The following MIR2052HG variants were observed in gnomAD, a reference collection of about 807,000 sequenced individuals.
MIR2052HG encodes the protein MIR2052 host gene.
At chr8:74,622,161 G>C (rs1412117206) in intron 2 of MIR2052HG, among the ~76,000 whole-genome samples, 1 of 152,182 alleles carries the variant, frequency 6.6e-6, no homozygotes, top group Admixed American at 6.5e-5. Flanking sequence ...TATATAATAA[G>C]GGACTGATAT....
At chr8:74,681,009 A>G in intron 2 of MIR2052HG, among the ~76,000 whole-genome samples, 1 of 144,370 alleles carries the variant, frequency 6.9e-6, no homozygotes, top group African/African-American at 2.6e-5. Flanking sequence ...TGGGAATTGA[A>G]CAATGAGAAC....
intron 2 of MIR2052HG, among the ~76,000 whole-genome samples, chr8:74,639,937 A>C (rs1808620833): frequency 6.6e-6 from 1 of 152,050 alleles, no homozygotes; most frequent in South Asian, 2.1e-4. Context: ...TTCCAGTAAC[A>C]CTTTGAATGA....
Position 74,705,610 on chromosome 8 carries a change from T to A in MIR2052HG, n.371+1928T>A, listed in dbSNP as rs1809402368. The A allele has an allele frequency of 4.1e-5, 7 of 170,016 alleles. No individual in the cohort carries two copies. The Admixed American group carries it at 4.6e-4, about 11-fold the overall frequency. The allele number at this position is 170,016 out of a possible 1,614,324, so 10.5% of individuals were successfully genotyped here. A position where few individuals can be genotyped will look rare whatever the true frequency, so the allele number is the denominator to read the frequency against. ...TTCAGTAAAACATAGAGATGGTGCT[T>A]GTAGTCAAGGGATACGACCTTAGGC... On this transcript the variant is annotated intron_variant and non_coding_transcript_variant, in intron 4 of 6. Coordinates refer to ENST00000523442, the Ensembl canonical transcript of MIR2052HG.
chr8:74,631,876 A>G (rs1808515812), intron 2 of MIR2052HG, among the ~76,000 whole-genome samples: 1 of 152,132 alleles, frequency 6.6e-6, no homozygotes, highest in South Asian at 2.1e-4. Flanking sequence ...AAAAGGACAA[A>G]CATGCTCCCT....
At chr8:74,719,935 C>T (rs534590466) in intron 4 of MIR2052HG, among the ~76,000 whole-genome samples, 2 of 149,870 alleles carry the variant, frequency 1.3e-5, no homozygotes, top group South Asian at 4.2e-4. Context: ...GCAGCCTCCG[C>T]CTCACAGGTT....
chr8:74,635,663 G>A (rs756523599), intron 2 of MIR2052HG, among the ~76,000 whole-genome samples: 1 of 152,134 alleles, frequency 6.6e-6, no homozygotes, highest in Non-Finnish European at 1.5e-5. Context: ...ATGTCAACAC[G>A]TAATTCGTGG....
In MIR2052HG at chr8:74,708,983, C is replaced by T. The variant is rs114168142; in HGVS notation, n.371+5301C>T. ...AGCTTCATCTTTGTATTTAGTCATC[C>T]GTATAATGATAGAATGGACCTAATT... On this transcript the variant is annotated intron_variant and non_coding_transcript_variant, in intron 4 of 6. Transcript: ENST00000523442. Among the ~76,000 whole-genome samples, 334 of 152,052 alleles carry T rather than the reference C, an allele frequency of 2.2e-3. 2 individuals carry two copies. The highest frequency in any genetic ancestry group is 7.6e-3 in the African/African-American group (316 of 41,484).
chr8:74,648,535 A>G (rs1018522459), intron 2 of MIR2052HG, among the ~76,000 whole-genome samples: 1 of 151,802 alleles, frequency 6.6e-6, no homozygotes, highest in Non-Finnish European at 1.5e-5. Context: ...TCGTACACCC[A>G]CTCCCCAGCA....
chr8:74,630,183 AAC>A (rs1475827406), intron 2 of MIR2052HG, among the ~76,000 whole-genome samples: 1 of 152,144 alleles, frequency 6.6e-6, no homozygotes, highest in African/African-American at 2.4e-5. Flanking sequence ...CCTAAATCAA[AAC>A]AGTTATTTTT....
intron 2 of MIR2052HG, among the ~76,000 whole-genome samples, chr8:74,694,450 G>A (rs1050632498): frequency 6.6e-6 from 1 of 152,080 alleles, no homozygotes; most frequent in Non-Finnish European, 1.5e-5. Context: ...ACGAAACTAG[G>A]TTCTTTAACA....
chr8:74,696,270 C>T (rs1809295100), intron 2 of MIR2052HG, among the ~76,000 whole-genome samples: 1 of 151,954 alleles, frequency 6.6e-6, no homozygotes, highest in African/African-American at 2.4e-5. Flanking sequence ...ATTATTTGAA[C>T]TGAACGATAA....
intron 2 of MIR2052HG, among the ~76,000 whole-genome samples, chr8:74,617,862 C>T (rs1808307100): frequency 6.6e-6 from 1 of 152,188 alleles, no homozygotes. Flanking sequence ...TCCTTGCCAA[C>T]ATCTATTGTT....
intron 2 of MIR2052HG, among the ~76,000 whole-genome samples, chr8:74,650,358 CAATA>C (rs1243949632): frequency 6.6e-6 from 1 of 152,060 alleles, no homozygotes; most frequent in Non-Finnish European, 1.5e-5. Context: ...TTGTGTGTAT[CAATA>C]GTTTGTTCAT....
At chr8:74,744,573 G>A (rs540668704) in intron 4 of MIR2052HG, among the ~76,000 whole-genome samples, 36 of 152,080 alleles carry the variant, frequency 2.4e-4, no homozygotes, top group Non-Finnish European at 3.7e-4. Flanking sequence ...AGAATATGCG[G>A]TGTTTGGTTT....
chr8:74,754,125 A>G, intron 5 of MIR2052HG, among the ~76,000 whole-genome samples: 2 of 152,220 alleles, frequency 1.3e-5, no homozygotes, highest in East Asian at 3.8e-4. Context: ...TAAAATGAAG[A>G]ACATAATAGT....
chr8:74,611,716 T>C (rs943979595), intron 1 of MIR2052HG, among the ~76,000 whole-genome samples: 2 of 152,218 alleles, frequency 1.3e-5, no homozygotes, highest in African/African-American at 4.8e-5. Context: ...TCTCTTAAGC[T>C]GTGGTTTTCA....
Position 74,646,927 on chromosome 8 carries a change from C to CAAAT in MIR2052HG, n.216+34009_216+34012dup, listed in dbSNP as rs55655738. ...TGGGTAACAGAGTGAAACCCTGTCT[C>CAAAT]AAATAAATAAATAAATAAATAAATA... is the stretch of plus-strand genomic sequence containing the variant. On this transcript the variant is annotated intron_variant and non_coding_transcript_variant, in intron 2 of 6. Coordinates refer to ENST00000523442, the Ensembl canonical transcript of MIR2052HG. Among the ~76,000 whole-genome samples, 1,137 of 151,222 alleles carry CAAAT rather than the reference C, an allele frequency of 7.5e-3. 4 individuals are homozygous for CAAAT. The highest frequency in any genetic ancestry group is 0.014 in the Middle Eastern group (4 of 294).
chr8:74,703,013 A>G (rs947779053), intron 3 of MIR2052HG, among the ~76,000 whole-genome samples: 1 of 152,096 alleles, frequency 6.6e-6, no homozygotes, highest in Non-Finnish European at 1.5e-5. Flanking sequence ...TGGATGTTGA[A>G]GGGGGTCCTG....
intron 1 of MIR2052HG, chr8:74,604,164 A>G: frequency 1.1e-6 from 1 of 889,524 alleles, no homozygotes; most frequent in Non-Finnish European, 1.9e-6. Context: ...TTCCGATGAT[A>G]CTGCCAACTT....
Sources: allele counts gnomAD v4.1 joint callset (sites outside exome capture counted in the v4.1 genomes callset), GRCh38; gene constraint gnomAD v4.1.1; transcripts MANE v1.5; gene names NCBI Gene and HGNC (gene_info 2026-07-23, HGNC 2026-07-21).